The following INO80D variants were observed in gnomAD, a reference collection of about 807,000 sequenced individuals.
The protein encoded by INO80D is INO80 complex subunit D.
In INO80D, 21 loss-of-function variants were observed where a neutral mutation model predicts 87.6. The ratio of observed to expected loss-of-function variants is 0.24; its 90% CI spans 0.17 to 0.35. The LOEUF is 0.35. Among genes scored for constraint, INO80D ranks in the 10% least tolerant of loss-of-function variants. The pLI is 1.00. For missense variants in INO80D, 982 were observed against 1,280.7 expected, an observed-to-expected ratio of 0.77 and a Z score of 3.56; for synonymous variants, 440 against 491.0, an observed-to-expected ratio of 0.90 and a Z score of 1.37.
chr2:206,030,564 A>G (rs766434096), intron 5 of INO80D, among the ~76,000 whole-genome samples: 11 of 152,176 alleles, frequency 7.2e-5, no homozygotes, highest in Non-Finnish European at 1.0e-4. Flanking sequence ...TACAACACGT[A>G]AGCCAAGACA....
At chr2:206,050,832 G>A (rs1689340801) in intron 4 of INO80D, among the ~76,000 whole-genome samples, 1 of 151,988 alleles carries the variant, frequency 6.6e-6, no homozygotes, top group Admixed American at 6.6e-5. Context: ...AGCTGGGCGT[G>A]GTCGCGGGCG....
At chr2:206,049,943 C>T (rs999650317) in intron 4 of INO80D, among the ~76,000 whole-genome samples, 12 of 151,596 alleles carry the variant, frequency 7.9e-5, no homozygotes, top group African/African-American at 2.7e-4. Context: ...ACCAGCCTGG[C>T]CAACGTGGTG....
chr2:206,023,754 G>A (rs902141055), intron 6 of INO80D, among the ~76,000 whole-genome samples: 6 of 150,742 alleles, frequency 4.0e-5, no homozygotes, highest in African/African-American at 9.7e-5. Flanking sequence ...GATTATCAGC[G>A]ATGCACTGGG....
chr2:206,015,328 T>C (rs1336273212), intron 8 of INO80D, among the ~76,000 whole-genome samples: 1 of 152,106 alleles, frequency 6.6e-6, no homozygotes, highest in Admixed American at 6.5e-5. Flanking sequence ...GCCCCTCCCA[T>C]CATAGGCCTG....
intron 4 of INO80D, among the ~76,000 whole-genome samples, chr2:206,048,071 G>A (rs965966679): frequency 6.6e-6 from 1 of 151,852 alleles, no homozygotes; most frequent in Non-Finnish European, 1.5e-5. Context: ...TAGCCAGGAT[G>A]GTCTCGATCT....
intron 1 of INO80D, among the ~76,000 whole-genome samples, chr2:206,077,534 C>T (rs994222662): frequency 6.6e-6 from 1 of 152,138 alleles, no homozygotes; most frequent in Non-Finnish European, 1.5e-5. Context: ...TACTAATGTT[C>T]TTGTGATGGA....
chr2:206,083,310 G>A (rs1475937119), intron 1 of INO80D, among the ~76,000 whole-genome samples: 1 of 151,970 alleles, frequency 6.6e-6, no homozygotes, highest in Non-Finnish European at 1.5e-5. Context: ...CAAATTATAA[G>A]GCAATAACAA....
intron 1 of INO80D, among the ~76,000 whole-genome samples, chr2:206,069,669 T>C (rs1486050244): frequency 6.6e-6 from 1 of 152,200 alleles, no homozygotes; most frequent in African/African-American, 2.4e-5. Context: ...GTCTGTCTCC[T>C]TTAGATAACA....
At chr2:206,066,220 T>G (rs973862736) in intron 1 of INO80D, among the ~76,000 whole-genome samples, 1 of 151,762 alleles carries the variant, frequency 6.6e-6, no homozygotes, top group African/African-American at 2.4e-5. Context: ...ATCGCAACAC[T>G]GCACTCCAGC....
chr2:206,083,461 A>G (rs1318705643), intron 1 of INO80D, among the ~76,000 whole-genome samples: 1 of 152,214 alleles, frequency 6.6e-6, no homozygotes, highest in Non-Finnish European at 1.5e-5. Context: ...GTCCATGTCA[A>G]TAAACAATTT....
intron 5 of INO80D, among the ~76,000 whole-genome samples, chr2:206,042,670 G>A (rs1444017965): frequency 8.2e-6 from 1 of 122,628 alleles, no homozygotes; most frequent in Non-Finnish European, 1.7e-5. Context: ...GACAGAGCGA[G>A]ACTTTGTCTC....
chr2:206,028,592 T>C (rs1257556097), intron 5 of INO80D, among the ~76,000 whole-genome samples: 3 of 152,194 alleles, frequency 2.0e-5, no homozygotes, highest in Admixed American at 2.0e-4. Flanking sequence ...ACACTTAATA[T>C]ACCAGTGTCT....
chr2:206,040,700 T>G (rs1405842203), intron 5 of INO80D: 1 of 255,102 alleles, frequency 3.9e-6, no homozygotes, highest in Admixed American at 4.2e-5. Flanking sequence ...TCTGTGGATA[T>G]CCTCTTACAC....
intron 1 of INO80D, among the ~76,000 whole-genome samples, chr2:206,065,141 G>A (rs1296163252): frequency 1.3e-5 from 2 of 152,176 alleles, no homozygotes; most frequent in Admixed American, 6.5e-5. Context: ...AAACACAGGG[G>A]ACACTGATGT....
rs1690416515 is a variant in INO80D, at chr2:206,085,345, A to C, written c.-124+556T>G. 6.7e-6 allele frequency among the ~76,000 whole-genome samples: 1 copy of C among 150,108 alleles called. No individual in the cohort carries two copies. The highest frequency in any genetic ancestry group is 2.5e-5 in the African/African-American group (1 of 40,610). ...GGAATCTGGGGGCCGTCTGCGAGAGACCCGGGGGAAGGGGAGCCGGGCGCC... is the reference window on the plus strand; with the variant it reads ...GGAATCTGGGGGCCGTCTGCGAGAGCCCCGGGGGAAGGGGAGCCGGGCGCC... On this transcript the variant is annotated intron_variant, in intron 1 of 10. Transcript: ENST00000403263. The surrounding 1 kb of genome is among the most constrained non-coding windows in gnomAD (Gnocchi z 4.5).
At chr2:206,058,479 AATCCCAGCACTT>A (rs1178186582) in intron 3 of INO80D, among the ~76,000 whole-genome samples, 1 of 151,756 alleles carries the variant, frequency 6.6e-6, no homozygotes, top group East Asian at 1.9e-4. Flanking sequence ...TCACGCCTGT[AATCCCAGCACTT>A]TGGGAGGCCA....
chr2:205,997,289 C>T lies in INO80D; in HGVS notation c.*7079G>A, dbSNP rs986088765. 6.6e-6 allele frequency: 1 copy of T among 151,554 alleles called. No homozygotes were observed. Among genetic ancestry groups the T allele is most frequent in the Non-Finnish European group, 1.5e-5 (1 of 67,888 alleles). The allele number at this position is 151,554 out of a possible 1,614,324, so 9.4% of individuals were successfully genotyped here. On this transcript the variant is annotated 3_prime_UTR_variant, in exon 11 of 11. Coordinates refer to ENST00000403263, the MANE Select transcript of INO80D (RefSeq NM_017759.5). ...CAGGGGTAGCACAATTTTCCTATAGCTGAAATATGGGGATGGGAGCACTCT... is the reference window on the plus strand; with the variant it reads ...CAGGGGTAGCACAATTTTCCTATAGTTGAAATATGGGGATGGGAGCACTCT...
chr2:206,007,294 A>G lies in INO80D; in HGVS notation c.1908T>C (p.Asp636=). The G allele has an allele frequency of 5.6e-6, 9 of 1,612,562 alleles. No homozygotes were observed. The highest frequency in any genetic ancestry group is 7.6e-6 in the Non-Finnish European group (9 of 1,179,526). Residue 636 remains aspartate, a synonymous_variant, in exon 10 of 11, where the codon GAT becomes GAC. Coordinates refer to ENST00000403263, the MANE Select transcript of INO80D (RefSeq NM_017759.5). ...AAATATTGACTATACCTTCAAAAAA[A>G]TCAAAATCTTGTAAGTCATCAGGTA... ...PRLPDDLQDF[D]FFEGKNGDLL...
intron 3 of INO80D, among the ~76,000 whole-genome samples, chr2:206,058,205 G>A (rs954418151): frequency 3.9e-5 from 6 of 151,966 alleles, no homozygotes; most frequent in African/African-American, 1.2e-4. Context: ...GGACCACAAG[G>A]TCAGGAGATC....
Sources: allele counts gnomAD v4.1 joint callset (sites outside exome capture counted in the v4.1 genomes callset), GRCh38; gene constraint gnomAD v4.1.1; non-coding constraint Gnocchi (gnomAD v3.1); transcripts MANE v1.5; gene names NCBI Gene and HGNC (gene_info 2026-07-23, HGNC 2026-07-21).